Variants in EIF2AK2 observed in about 807,000 individuals in gnomAD.
EIF2AK2 encodes the protein interferon-induced, double-stranded RNA-activated protein kinase.
A neutral mutation model predicts 70.5 loss-of-function variants in EIF2AK2; 40 were observed. The ratio of observed to expected loss-of-function variants is 0.57; its 90% confidence interval spans 0.44 to 0.74. EIF2AK2 has a LOEUF of 0.74. Among genes scored for constraint, EIF2AK2 ranks in the 30% least tolerant of loss-of-function variants. EIF2AK2 has a pLI of 0.00. For synonymous variants in EIF2AK2, 198 were observed against 220.9 expected (o/e 0.90, Z 0.92); for missense variants, 555 against 644.3 (o/e 0.86, Z 1.50).
Position 37,138,329 on chromosome 2 carries a change from C to T in EIF2AK2, c.628G>A (p.Ala210Thr). The T allele has an allele frequency of 1.2e-6, 2 of 1,613,940 alleles. No individual in the cohort carries two copies. The highest frequency in any genetic ancestry group is 1.7e-6 in the Non-Finnish European group (2 of 1,179,952). The stretch of plus-strand genomic sequence containing the variant: ...TTAGAATTTATCTCTGATGTATCTG[C>T]TGAGAAGTCACCTTCAGATGATGAT... ...SESSSEGDFS[A>T]DTSEINSNSD... The change falls in exon 8 of 17, where the codon GCA becomes ACA. Residue 210 changes from alanine (A) to threonine (T), a missense_variant. Around this residue, in one of 3 missense-constraint regions of EIF2AK2, gnomAD observed 208 missense variants for 191.8 expected, o/e 1.08. Coordinates refer to ENST00000233057, the MANE Select transcript of EIF2AK2 (RefSeq NM_001135651.3).
In EIF2AK2 at chr2:37,146,887, T is replaced by C. The variant is rs148127688; in HGVS notation, c.206A>G (p.Lys69Arg). ...CTTATTAAGTATCTCAACAGCTAAT[T>C]TGGCTGCGGCATTTTTTGCTTCCTT... ...SKKEAKNAAAKLAVEILNKEK... is the reference protein window; with the variant it reads ...SKKEAKNAAARLAVEILNKEK... The change falls in exon 4 of 17, where the codon AAA (lysine) becomes AGA (arginine). Residue 69 changes from lysine (K) to arginine (R), a missense_variant. By Grantham distance (26) the Lys-to-Arg change is conservative. Around this residue, in one of 3 missense-constraint regions of EIF2AK2, gnomAD observed 208 missense variants for 191.8 expected, o/e 1.08. Coordinates refer to ENST00000233057, the MANE Select transcript of EIF2AK2 (RefSeq NM_001135651.3). 64 of 1,613,896 alleles carry C rather than the reference T, an allele frequency of 4.0e-5. No individual in the cohort carries two copies. The highest frequency in any genetic ancestry group is 4.9e-5 in the Non-Finnish European group (58 of 1,180,022).
At chr2:37,143,407 A>G (rs1186774786) in intron 4 of EIF2AK2, among the ~76,000 whole-genome samples, 3 of 152,112 alleles carry the variant, frequency 2.0e-5, no homozygotes, top group East Asian at 1.9e-4. Context: ...TACCAGTCAC[A>G]TGTATATTGG....
chr2:37,151,281 A>G (rs1329871588), intron 1 of EIF2AK2, among the ~76,000 whole-genome samples: 1 of 152,184 alleles, frequency 6.6e-6, no homozygotes, highest in Non-Finnish European at 1.5e-5. Context: ...AAAATAGGCA[A>G]AGGGGCTTGA....
chr2:37,151,266 T>A (rs1437657553), intron 1 of EIF2AK2, among the ~76,000 whole-genome samples: 2 of 151,706 alleles, frequency 1.3e-5, no homozygotes, highest in Non-Finnish European at 2.9e-5. Context: ...AACCACCCAA[T>A]TAAAAAAATA....
At chr2:37,127,006 G>A (rs4233921) in intron 10 of EIF2AK2, among the ~76,000 whole-genome samples, 42,687 of 106,470 alleles carry the variant, frequency 0.4, 7,116 homozygotes, top group East Asian at 0.6. Context: ...AAAAAGCCAT[G>A]ATAAAAATCC....
intron 4 of EIF2AK2, 138 bp downstream of exon 4, chr2:37,146,715 G>A (rs1470564629): frequency 9.4e-6 from 10 of 1,065,044 alleles, no homozygotes; most frequent in African/African-American, 1.6e-5. Context: ...TGAAGATAGG[G>A]TGAATGACTT....
intron 1 of EIF2AK2, among the ~76,000 whole-genome samples, chr2:37,154,413 G>A (rs973123586): frequency 1.3e-5 from 2 of 151,772 alleles, no homozygotes; most frequent in African/African-American, 2.4e-5. Context: ...TGTTTTTGTC[G>A]AGGTTACCAA....
At chr2:37,153,367 G>T (rs527517618) in intron 1 of EIF2AK2, among the ~76,000 whole-genome samples, 1 of 70,520 alleles carries the variant, frequency 1.4e-5, no homozygotes, top group Admixed American at 1.5e-4. Flanking sequence ...TTGAGACAGG[G>T]TCTCGCTCTG....
At chr2:37,119,646 C>T (rs1674466003) in intron 13 of EIF2AK2, among the ~76,000 whole-genome samples, 1 of 151,054 alleles carries the variant, frequency 6.6e-6, no homozygotes, top group Non-Finnish European at 1.5e-5. Context: ...GGCTGGAGTG[C>T]AGTGGCACAA....
chr2:37,147,145 T>C (rs1235078026), intron 3 of EIF2AK2, among the ~76,000 whole-genome samples, 172 bp from the exon 4 acceptor site: 2 of 152,188 alleles, frequency 1.3e-5, no homozygotes, highest in Admixed American at 6.5e-5. Flanking sequence ...TGTTGAAGCA[T>C]GGAAAGGTTT....
At position 37,104,490 on chromosome 2, in the gene EIF2AK2, T is replaced by C. The variant is rs561894246; in HGVS notation, c.*2783A>G. ...GCACACTACCATGCCCAGCTAATTTTCTGATTTTTTGTAGAGATGAGAACT... is the reference window on the plus strand; with the variant it reads ...GCACACTACCATGCCCAGCTAATTTCCTGATTTTTTGTAGAGATGAGAACT... On this transcript the variant is annotated 3_prime_UTR_variant, in exon 17 of 17. Coordinates refer to ENST00000233057, the MANE Select transcript of EIF2AK2 (RefSeq NM_001135651.3). 7.9e-5 allele frequency: 12 copies of C among 152,248 alleles called. No individual in the cohort carries two copies. Among genetic ancestry groups the C allele is most frequent in the Admixed American group, 5.9e-4 (9 of 15,282 alleles). The allele number at this position is 152,248 out of a possible 1,614,324, so 9.4% of individuals were successfully genotyped here.
intron 6 of EIF2AK2, 135 bp from the exon 7 acceptor site, chr2:37,138,720 T>C (rs1675215205): frequency 1.4e-6 from 1 of 714,256 alleles, no homozygotes; most frequent in Non-Finnish European, 2.3e-6. Flanking sequence ...ACAAGATTAA[T>C]AACATTTTTT....
At chr2:37,114,250 T>C (rs1674259024) in intron 14 of EIF2AK2, among the ~76,000 whole-genome samples, 1 of 152,016 alleles carries the variant, frequency 6.6e-6, no homozygotes, top group African/African-American at 2.4e-5. Flanking sequence ...CAGTGAGCAA[T>C]AATCATACTA....
intron 2 of EIF2AK2, among the ~76,000 whole-genome samples, chr2:37,148,359 GT>G (rs1388123924): frequency 6.6e-6 from 1 of 152,204 alleles, no homozygotes; most frequent in Non-Finnish European, 1.5e-5. Flanking sequence ...AATAAGTGAA[GT>G]GGAGTGGTAG....
intron 10 of EIF2AK2, 69 bp downstream of exon 10, chr2:37,135,415 C>G: frequency 7.6e-7 from 1 of 1,318,358 alleles, no homozygotes; most frequent in Non-Finnish European, 1.1e-6. Flanking sequence ...GGCCATTTCA[C>G]AGACAACTAC....
intron 1 of EIF2AK2, 85 bp from the exon 2 acceptor site, chr2:37,149,108 T>C (rs1675655985): frequency 3.3e-6 from 3 of 896,952 alleles, no homozygotes; most frequent in South Asian, 1.3e-5. Flanking sequence ...CTAAGGTCTA[T>C]GATAGCCAGG....
At chr2:37,156,122 A>C (rs1002897349) in intron 1 of EIF2AK2, among the ~76,000 whole-genome samples, 7 of 152,038 alleles carry the variant, frequency 4.6e-5, no homozygotes, top group Non-Finnish European at 1.0e-4. Context: ...TAAGGGAGGG[A>C]TTTCCCCATG....
chr2:37,154,217 C>G (rs138149945), intron 1 of EIF2AK2, among the ~76,000 whole-genome samples: 1 of 151,702 alleles, frequency 6.6e-6, no homozygotes, highest in Admixed American at 6.6e-5. Flanking sequence ...CCCAGCTACT[C>G]GGGATGCTGA....
Position 37,136,067 on chromosome 2 carries a change from C to G in EIF2AK2, c.723-521G>C, listed in dbSNP as rs553828440. Among the ~76,000 whole-genome samples the G allele has an allele frequency of 3.3e-5, 5 of 152,346 alleles. No homozygotes were observed. In the South Asian group the frequency reaches 1.0e-3, roughly 32 times the overall value. On this transcript the variant is annotated intron_variant, in intron 9 of 16. Transcript: ENST00000233057. ...GTCACTAACCTCTCCTTTTCCTCCT[C>G]CAGACTCAAAACCTCAGGAAGTACA...
Sources: gnomAD v4.1 joint callset for allele counts (sites outside exome capture counted in the v4.1 genomes callset) on GRCh38, gnomAD v4.1.1 for gene constraint, gnomAD v4.1.1 regional missense constraint, MANE v1.5 for transcripts, NCBI Gene and HGNC (gene_info 2026-07-23, HGNC 2026-07-21) for gene names.